The following ACOXL variants were observed in gnomAD, a reference collection of about 807,000 sequenced individuals.
ACOXL encodes acyl-coenzyme A oxidase-like protein.
In ACOXL, 70 loss-of-function variants were observed where a neutral mutation model predicts 71.9. That is an observed-to-expected ratio of 0.97 (90% CI 0.80 to 1.19). The LOEUF (loss-of-function observed/expected upper bound fraction) is 1.19. Ranked by LOEUF, ACOXL falls within the 50% of genes most tolerant of loss-of-function variation. The pLI is 0.00. For missense variants in ACOXL, 703 were observed against 736.3 expected, an observed-to-expected ratio of 0.95 and a Z score of 0.52; for synonymous variants, 253 against 281.6, an observed-to-expected ratio of 0.90 and a Z score of 1.02.
At chr2:110,880,674 A>C (rs986205907) in intron 10 of ACOXL, among the ~76,000 whole-genome samples, 6 of 152,194 alleles carry the variant, frequency 3.9e-5, no homozygotes, top group Admixed American at 3.9e-4. Flanking sequence ...CTGGCCGAGC[A>C]CAGTGGCTCA....
At chr2:110,813,220 C>T (rs1687549896) in intron 9 of ACOXL, among the ~76,000 whole-genome samples, 1 of 152,162 alleles carries the variant, frequency 6.6e-6, no homozygotes, top group Non-Finnish European at 1.5e-5. Flanking sequence ...TGATGTGGCC[C>T]ATGAATGTTA....
intron 14 of ACOXL, among the ~76,000 whole-genome samples, chr2:111,013,522 C>CAAAAAAAAAA: frequency 1.0e-5 from 1 of 95,528 alleles, no homozygotes; most frequent in South Asian, 3.8e-4. Context: ...GACCCTGTCT[C>CAAAAAAAAAA]AAAAAAAAAA....
intron 10 of ACOXL, among the ~76,000 whole-genome samples, chr2:110,893,777 AT>A (rs1272238884): frequency 6.6e-6 from 1 of 152,144 alleles, no homozygotes; most frequent in Non-Finnish European, 1.5e-5. Flanking sequence ...TTATCCCTTG[AT>A]TGTAGCATAT....
At chr2:110,739,674 G>A (rs867558534) in intron 1 of ACOXL, among the ~76,000 whole-genome samples, 2 of 152,190 alleles carry the variant, frequency 1.3e-5, no homozygotes, top group African/African-American at 2.4e-5. Flanking sequence ...AGGCTTTGAT[G>A]GACTTGGAGA....
At chr2:110,801,589 C>T in intron 7 of ACOXL, 63 bp from the exon 8 acceptor site, 8 of 1,457,012 alleles carry the variant, frequency 5.5e-6, no homozygotes, top group Non-Finnish European at 7.7e-6. Context: ...GGCGACAGGC[C>T]TGGGAAGTAG....
At chr2:110,942,251 A>G (rs1475752694) in intron 12 of ACOXL, among the ~76,000 whole-genome samples, 3 of 152,240 alleles carry the variant, frequency 2.0e-5, no homozygotes, top group Non-Finnish European at 4.4e-5. Context: ...AAATATAAAT[A>G]TCCCAATTCA....
intron 14 of ACOXL, among the ~76,000 whole-genome samples, chr2:111,002,370 T>C (rs111470837): frequency 1.3e-5 from 2 of 152,342 alleles, no homozygotes; most frequent in African/African-American, 4.8e-5. Context: ...GTTTTGGCAT[T>C]GATATACACA....
chr2:111,108,511 G>A (rs766002625), intron 17 of ACOXL, among the ~76,000 whole-genome samples: 54 of 150,876 alleles, frequency 3.6e-4, no homozygotes, highest in Admixed American at 1.4e-3. Context: ...CCCAAGTAGC[G>A]AGGATTACAG....
At chr2:110,823,543 G>T (rs2105541733) in intron 9 of ACOXL, among the ~76,000 whole-genome samples, 1 of 152,314 alleles carries the variant, frequency 6.6e-6, no homozygotes, top group African/African-American at 2.4e-5. Flanking sequence ...CTGACAAACT[G>T]TCTTCTGCAG....
chr2:110,896,249 C>A (rs1301957340), intron 10 of ACOXL, among the ~76,000 whole-genome samples: 1 of 152,020 alleles, frequency 6.6e-6, no homozygotes, highest in African/African-American at 2.4e-5. Flanking sequence ...GATATACTCA[C>A]AAACACTATA....
chr2:110,747,836 C>T (rs1259270530), intron 1 of ACOXL, among the ~76,000 whole-genome samples: 3 of 152,182 alleles, frequency 2.0e-5, no homozygotes, highest in South Asian at 2.1e-4. Context: ...TCTCCCTTTA[C>T]TTCCTGTCTG....
Position 110,913,964 on chromosome 2 carries a change from A to T in ACOXL, c.905+5059A>T, listed in dbSNP as rs951909426. ...TCTCACCTCCAACATTGGGAATTAC[A>T]ATATGAGATGTGGAGGGGACATCCA... On this transcript the variant is annotated intron_variant, in intron 11 of 17. Transcript: ENST00000439055. Among the ~76,000 whole-genome samples the T allele has an allele frequency of 2.0e-5, 3 of 152,176 alleles. No homozygotes were observed. In the East Asian group the frequency reaches 5.8e-4, roughly 29 times the overall value.
At chr2:110,971,837 T>G (rs2062204183) in intron 12 of ACOXL, among the ~76,000 whole-genome samples, 1 of 152,238 alleles carries the variant, frequency 6.6e-6, no homozygotes, top group African/African-American at 2.4e-5. Flanking sequence ...TATTCAGTAA[T>G]TCAGACATTA....
chr2:110,771,824 T>G (rs1172171911), intron 2 of ACOXL, among the ~76,000 whole-genome samples: 4 of 152,206 alleles, frequency 2.6e-5, no homozygotes, highest in Non-Finnish European at 4.4e-5. Flanking sequence ...GATCCTGGGC[T>G]GGGGGAGTCA....
intron 2 of ACOXL, among the ~76,000 whole-genome samples, chr2:110,769,262 GAAAA>G (rs548527078): frequency 6.8e-6 from 1 of 146,310 alleles, no homozygotes; most frequent in Non-Finnish European, 1.5e-5. Context: ...AAGAAAGAAA[GAAAA>G]AAATACATGA....
intron 5 of ACOXL, chr2:110,795,832 T>C (rs1302350788): frequency 1.3e-5 from 2 of 152,182 alleles, no homozygotes; most frequent in African/African-American, 2.4e-5. Context: ...TATTTATTTG[T>C]TTCTTCTTAC....
chr2:111,047,469 AT>A (rs1281143153), intron 15 of ACOXL, among the ~76,000 whole-genome samples: 1 of 152,214 alleles, frequency 6.6e-6, no homozygotes, highest in Admixed American at 6.5e-5. Flanking sequence ...TAGCACCTGA[AT>A]TTGTAGATTA....
chr2:110,991,288 T>C (rs2063161744), intron 13 of ACOXL, among the ~76,000 whole-genome samples: 1 of 152,224 alleles, frequency 6.6e-6, no homozygotes, highest in African/African-American at 2.4e-5. Context: ...CTTCTTATGC[T>C]TTCTCCTTTC....
intron 17 of ACOXL, among the ~76,000 whole-genome samples, chr2:111,109,091 C>G (rs2150074232): frequency 6.6e-6 from 1 of 152,338 alleles, no homozygotes; most frequent in African/African-American, 2.4e-5. Context: ...CAGCTGACCT[C>G]AGCTGCATCA....
Sources: gnomAD v4.1 joint callset for allele counts (sites outside exome capture counted in the v4.1 genomes callset) on GRCh38, gnomAD v4.1.1 for gene constraint, MANE v1.5 for transcripts, NCBI Gene and HGNC (gene_info 2026-07-23, HGNC 2026-07-21) for gene names.